RPS6KA2: variants seen among roughly 807,000 people sequenced by gnomAD.
RPS6KA2 encodes the protein ribosomal protein S6 kinase A2, also known as ribosomal protein S6 kinase alpha-2.
RPS6KA2 carries 42 observed loss-of-function variants against 91.8 expected under a neutral mutation model. That is an observed-to-expected ratio of 0.46 (90% CI 0.36 to 0.59). The LOEUF (loss-of-function observed/expected upper bound fraction) is 0.59, where lower values mean the gene tolerates loss of function less well. Ranked by LOEUF, RPS6KA2 falls within the 20% of genes least tolerant of loss-of-function variation. The pLI is 0.00. For missense variants in RPS6KA2, 798 were observed against 978.5 expected (o/e 0.82, Z 2.46); for synonymous variants, 414 against 393.6 (o/e 1.05, Z -0.61).
intron 10 of RPS6KA2, among the ~76,000 whole-genome samples, chr6:166,472,968 G>A (rs1167389659): frequency 1.4e-4 from 21 of 152,142 alleles, no homozygotes; most frequent in Admixed American, 1.3e-3. Flanking sequence ...AGGAGTTCAA[G>A]GTTCAGGGGA....
chr6:166,759,248 T>C (rs1778104201), intron 2 of RPS6KA2, among the ~76,000 whole-genome samples: 1 of 152,246 alleles, frequency 6.6e-6, no homozygotes, highest in Admixed American at 6.5e-5. Context: ...TAAGAACCTA[T>C]AATGTAACAT....
At chr6:166,792,470 T>C (rs924120090) in intron 2 of RPS6KA2, among the ~76,000 whole-genome samples, 9 of 151,846 alleles carry the variant, frequency 5.9e-5, no homozygotes, top group East Asian at 3.9e-4. Context: ...TTCCAATGAA[T>C]AGAAAAAGAG....
chr6:166,600,599 T>A (rs1460154895), intron 1 of RPS6KA2, among the ~76,000 whole-genome samples: 1 of 152,246 alleles, frequency 6.6e-6, no homozygotes, highest in African/African-American at 2.4e-5. Flanking sequence ...CTGATTATCT[T>A]TGAATAAGAA....
In RPS6KA2 at chr6:166,490,424, G is replaced by T. The variant is rs1044742218; in HGVS notation, c.818+247C>A. Among the ~76,000 whole-genome samples, 2 of 152,182 alleles carry T rather than the reference G, an allele frequency of 1.3e-5. No individual in the cohort carries two copies. Among genetic ancestry groups the T allele is most frequent in the Non-Finnish European group, 2.9e-5 (2 of 68,046 alleles). ...TCATCAGAACCACTCAGCAGGATGAGACAAACCAGCAACTGCTCCCTTGAC... is the reference window on the plus strand; with the variant it reads ...TCATCAGAACCACTCAGCAGGATGATACAAACCAGCAACTGCTCCCTTGAC... On this transcript the variant is annotated intron_variant, in intron 9 of 20. Transcript: ENST00000265678. This position sits in a 1 kb window ranked among gnomAD's most constrained non-coding sequence, Gnocchi z 4.2.
At chr6:166,696,335 G>A (rs1200996696) in intron 2 of RPS6KA2, among the ~76,000 whole-genome samples, 1 of 152,162 alleles carries the variant, frequency 6.6e-6, no homozygotes, top group Non-Finnish European at 1.5e-5. Flanking sequence ...AACCTGAATA[G>A]GTAGATGGAA....
rs1026910105 is a variant in RPS6KA2 at position 166,412,864 on chromosome 6, A to C, written c.2100T>G (p.Phe700Leu). The change falls in exon 21 of 21, where the codon TTT becomes TTG. Residue 700 changes from phenylalanine (F) to leucine (L), a missense_variant. Coordinates refer to ENST00000265678, the MANE Select transcript of RPS6KA2 (RefSeq NM_021135.6). The surrounding 1 kb of genome is among the most constrained non-coding windows in gnomAD (Gnocchi z 4.3). ...GGGCCTGAGGTGTTCTGTTTAGAGCAAAGTAGGTGGCGGCCATCGCGCCCT... is the reference window on the plus strand; with the variant it reads ...GGGCCTGAGGTGTTCTGTTTAGAGCCAAGTAGGTGGCGGCCATCGCGCCCT... ...LVKGAMAATY[F>L]ALNRTPQAPR... The C allele has an allele frequency of 1.3e-6, 2 of 1,562,140 alleles. No homozygotes were observed. The highest frequency in any genetic ancestry group is 3.9e-5 in the Admixed American group (2 of 51,672).
At chr6:166,591,636 G>A (rs1172435846) in intron 1 of RPS6KA2, among the ~76,000 whole-genome samples, 1 of 152,166 alleles carries the variant, frequency 6.6e-6, no homozygotes, top group Non-Finnish European at 1.5e-5. Context: ...GAAACCAGAA[G>A]GGGCAAGGAA....
Position 166,674,054 on chromosome 6 carries a change from G to A in RPS6KA2, c.124-135270C>T, listed in dbSNP as rs185295338. Among the ~76,000 whole-genome samples, 11 of 152,270 alleles carry A rather than the reference G, an allele frequency of 7.2e-5. No individual in the cohort carries two copies. In the East Asian group the frequency reaches 9.6e-4, roughly 13 times the overall value. On this transcript the variant is annotated intron_variant, in intron 2 of 21. Coordinates refer to the RPS6KA2 transcript ENST00000503859. ...CTGCATCGCTGGGGAAAGAGAGTTC[G>A]GGCAAGATTGTTGATTCTTCTTTCT... is the stretch of plus-strand genomic sequence containing the variant.
At chr6:166,793,419 C>T (rs966112900) in intron 2 of RPS6KA2, among the ~76,000 whole-genome samples, 156 of 150,138 alleles carry the variant, frequency 1.0e-3, no homozygotes, top group East Asian at 8.9e-3. Flanking sequence ...GTGAAAATGG[C>T]CATACTGCCC....
At position 166,538,757 on chromosome 6, in the gene RPS6KA2, T is replaced by C. The variant is rs747612401; in HGVS notation, c.127A>G (p.Ile43Val). ...AAGCCCTCCTTCACATGATGGCTGA[T>C]GTCTATCTCCTTCACGACGCCTTCT... ...EEEGVVKEID[I>V]SHHVKEGFEK... The change falls in exon 2 of 21, where the codon ATC becomes GTC. Residue 43 changes from isoleucine to valine, a missense_variant. Physicochemically the swap from Ile to Val is conservative, Grantham distance 29. Coordinates refer to ENST00000265678, the MANE Select transcript of RPS6KA2 (RefSeq NM_021135.6). The C allele has an allele frequency of 6.9e-6, 11 of 1,605,522 alleles. No homozygotes were observed. In the Admixed American group the frequency reaches 1.8e-4, roughly 27 times the overall value.
intron 2 of RPS6KA2, among the ~76,000 whole-genome samples, chr6:166,704,805 T>C (rs549411763): frequency 6.6e-6 from 1 of 152,362 alleles, no homozygotes; most frequent in African/African-American, 2.4e-5. Context: ...CCTCTGATCT[T>C]TCCTGACCTG....
intron 6 of RPS6KA2, among the ~76,000 whole-genome samples, chr6:166,502,957 A>G (rs1355792380): frequency 6.6e-6 from 1 of 152,208 alleles, no homozygotes; most frequent in Non-Finnish European, 1.5e-5. Flanking sequence ...GGATTTTGCA[A>G]TATTTACTTA....
chr6:166,792,743 A>G (rs974995887), intron 2 of RPS6KA2, among the ~76,000 whole-genome samples: 7 of 152,362 alleles, frequency 4.6e-5, no homozygotes, highest in African/African-American at 1.7e-4. Flanking sequence ...AACAGAACCA[A>G]TGACAAAAAC....
At chr6:166,642,710 A>G (rs551587914) in intron 2 of RPS6KA2, among the ~76,000 whole-genome samples, 6 of 152,198 alleles carry the variant, frequency 3.9e-5, no homozygotes, top group African/African-American at 1.2e-4. Flanking sequence ...ATTTCAAATG[A>G]TAGTAAGAAA....
intron 2 of RPS6KA2, among the ~76,000 whole-genome samples, chr6:166,534,263 A>C (rs1363458992): frequency 6.6e-6 from 1 of 151,180 alleles, no homozygotes; most frequent in African/African-American, 2.4e-5. Flanking sequence ...AAAAACAAAA[A>C]TTAGTTGAGT....
chr6:166,560,889 G>A (rs1784322886), intron 1 of RPS6KA2, among the ~76,000 whole-genome samples: 1 of 151,778 alleles, frequency 6.6e-6, no homozygotes. Context: ...TCATGCAAGT[G>A]GCTCATTCCA....
intron 1 of RPS6KA2, among the ~76,000 whole-genome samples, chr6:166,553,322 C>G (rs866743080): frequency 1.3e-5 from 2 of 152,066 alleles, no homozygotes; most frequent in African/African-American, 2.4e-5. Context: ...GGTGGTCTCA[C>G]TATGTTGCCC....
intron 1 of RPS6KA2, among the ~76,000 whole-genome samples, chr6:166,543,215 C>A (rs976104546): frequency 6.6e-6 from 1 of 152,144 alleles, no homozygotes; most frequent in Non-Finnish European, 1.5e-5. Flanking sequence ...AGTACCACAT[C>A]GCAAGTCATT....
intron 2 of RPS6KA2, among the ~76,000 whole-genome samples, chr6:166,798,302 TGA>T (rs1779275868): frequency 6.6e-6 from 1 of 152,222 alleles, no homozygotes; most frequent in Non-Finnish European, 1.5e-5. Flanking sequence ...AGCTCAGGGA[TGA>T]GTTACAGCTG....
Sources: allele counts gnomAD v4.1 joint callset (sites outside exome capture counted in the v4.1 genomes callset), GRCh38; gene constraint gnomAD v4.1.1; non-coding constraint Gnocchi (gnomAD v3.1); transcripts MANE v1.5; gene names NCBI Gene and HGNC (gene_info 2026-07-23, HGNC 2026-07-21).